CACNB4: variants seen among roughly 807,000 people sequenced by gnomAD.
CACNB4 encodes the protein calcium voltage-gated channel auxiliary subunit beta 4.
CACNB4 carries 32 observed loss-of-function variants against 71.2 expected under a neutral mutation model. That is an observed-to-expected ratio of 0.45 (90% CI 0.34 to 0.60). CACNB4 has a LOEUF of 0.60. Among genes scored for constraint, CACNB4 ranks in the 20% least tolerant of loss-of-function variants. CACNB4 has a pLI of 0.01. For synonymous variants in CACNB4, 231 were observed against 236.9 expected, an observed-to-expected ratio of 0.97 and a Z score of 0.23; for missense variants, 464 against 647.9, an observed-to-expected ratio of 0.72 and a Z score of 3.08.
Position 152,098,579 on chromosome 2 carries a change from C to CCCCCCCACCAA in CACNB4, c.64-167_64-166insTTGGTGGGGGG. On this transcript the variant is annotated intron_variant, in intron 1 of 13. Transcript: ENST00000539935. This position sits in a 1 kb window ranked among gnomAD's most constrained non-coding sequence, Gnocchi z 5.3. ...CCCAAATACAGCCCCCACCCCCACC[C>CCCCCCCACCAA]ACCCACTGCAAGCCTCGACTGCTGA... is the stretch of plus-strand genomic sequence containing the variant. The CCCCCCCACCAA allele has an allele frequency of 7.4e-6, 7 of 943,710 alleles. No individual in the cohort carries two copies. The highest frequency in any genetic ancestry group is 1.0e-5 in the Non-Finnish European group (6 of 591,324). The allele number at this position is 943,710 out of a possible 1,614,324, so 58.5% of individuals were successfully genotyped here.
chr2:152,086,060 T>G lies in CACNB4; in HGVS notation c.147+12270A>C, dbSNP rs1047975989. 2.0e-5 allele frequency among the ~76,000 whole-genome samples: 3 copies of G among 152,316 alleles called. No homozygotes were observed. The East Asian group carries it at 5.8e-4, about 29-fold the overall frequency. On this transcript the variant is annotated intron_variant, in intron 2 of 13. Transcript: ENST00000539935. ...AAATAAAATACTTGTAAATATGACA[T>G]TTGCCTTTGATTGGGTTGGTTTACA... is the stretch of plus-strand genomic sequence containing the variant.
At chr2:151,972,234 G>A (rs931727958) in intron 2 of CACNB4, 2 of 152,410 alleles carry the variant, frequency 1.3e-5, no homozygotes, top group Non-Finnish European at 2.9e-5. Flanking sequence ...AATGACTCCA[G>A]TCCACTTCGG....
chr2:151,896,940 C>A (rs933188004), intron 2 of CACNB4, among the ~76,000 whole-genome samples: 1 of 152,174 alleles, frequency 6.6e-6, no homozygotes, highest in Non-Finnish European at 1.5e-5. Flanking sequence ...GTGTGGTGAA[C>A]CCTGGTTGGA....
At chr2:151,898,218 C>T (rs923060644) in intron 2 of CACNB4, among the ~76,000 whole-genome samples, 1 of 152,196 alleles carries the variant, frequency 6.6e-6, no homozygotes, top group African/African-American at 2.4e-5. Context: ...AGACTGCTGT[C>T]CTTTGCATAT....
chr2:151,903,147 T>G (rs1337735938), intron 2 of CACNB4, among the ~76,000 whole-genome samples: 5 of 152,212 alleles, frequency 3.3e-5, no homozygotes, highest in African/African-American at 1.2e-4. Flanking sequence ...TAATACTAAA[T>G]CTACTCAAAA....
intron 2 of CACNB4, among the ~76,000 whole-genome samples, chr2:152,012,396 G>A (rs760913941): frequency 1.3e-5 from 2 of 152,178 alleles, no homozygotes; most frequent in Non-Finnish European, 2.9e-5. Flanking sequence ...CTGAAGTCAG[G>A]AGTTCCAGAC....
chr2:152,025,486 C>G (rs1355156849), intron 2 of CACNB4, among the ~76,000 whole-genome samples: 3 of 152,126 alleles, frequency 2.0e-5, no homozygotes, highest in African/African-American at 7.2e-5. Context: ...TAAGAAAGAG[C>G]AGAAATAAGA....
intron 2 of CACNB4, chr2:151,967,603 T>C (rs1363881316): frequency 6.6e-6 from 1 of 151,850 alleles, no homozygotes; most frequent in Admixed American, 6.6e-5. Context: ...TCCTATATGA[T>C]GCTCAGGCTA....
intron 2 of CACNB4, among the ~76,000 whole-genome samples, chr2:151,944,200 A>G (rs1302912871): frequency 6.6e-6 from 1 of 151,744 alleles, no homozygotes; most frequent in Non-Finnish European, 1.5e-5. Flanking sequence ...CACCTGGCTA[A>G]TTTTGTTTTT....
intron 4 of CACNB4, chr2:151,880,136 T>G (rs1393979882): frequency 6.6e-6 from 1 of 152,232 alleles, no homozygotes; most frequent in African/African-American, 2.4e-5. Flanking sequence ...GGTCCTCAGT[T>G]TCCTATTCCC....
intron 2 of CACNB4, among the ~76,000 whole-genome samples, chr2:151,887,526 G>GA (rs1454577278): frequency 3.3e-4 from 50 of 152,226 alleles, no homozygotes; most frequent in Admixed American, 1.2e-3. Context: ...AGTAACACTG[G>GA]AAAATCAGCT....
At chr2:151,981,489 C>T (rs868571397) in intron 2 of CACNB4, among the ~76,000 whole-genome samples, 16 of 151,952 alleles carry the variant, frequency 1.1e-4, no homozygotes, top group African/African-American at 1.7e-4. Flanking sequence ...CAGGTCTGAG[C>T]GGAACTCCTG....
At chr2:151,950,548 T>A (rs1382117008) in intron 2 of CACNB4, among the ~76,000 whole-genome samples, 2 of 152,252 alleles carry the variant, frequency 1.3e-5, no homozygotes, top group South Asian at 2.1e-4. Context: ...CTATTCACAA[T>A]CACCAAAAGG....
intron 5 of CACNB4, among the ~76,000 whole-genome samples, chr2:151,874,541 T>C (rs1366133135): frequency 6.6e-6 from 1 of 151,978 alleles, no homozygotes; most frequent in Non-Finnish European, 1.5e-5. Context: ...ATAATAGTAT[T>C]GGCAAGTTAT....
At chr2:151,900,847 T>C (rs995004520) in intron 2 of CACNB4, among the ~76,000 whole-genome samples, 10 of 152,130 alleles carry the variant, frequency 6.6e-5, no homozygotes, top group African/African-American at 2.4e-4. Flanking sequence ...ATAGGGGATA[T>C]ACACAATTTA....
chr2:151,934,556 C>T (rs1017843010), intron 2 of CACNB4, among the ~76,000 whole-genome samples: 1 of 152,182 alleles, frequency 6.6e-6, no homozygotes, highest in Non-Finnish European at 1.5e-5. Flanking sequence ...TTCTTATTTA[C>T]GGCTGGGCAC....
intron 2 of CACNB4, among the ~76,000 whole-genome samples, chr2:152,076,011 T>C (rs1338799686): frequency 2.0e-5 from 3 of 152,142 alleles, no homozygotes; most frequent in African/African-American, 7.2e-5. Context: ...GTCACCTAAT[T>C]CAGTGTGTGG....
intron 2 of CACNB4, among the ~76,000 whole-genome samples, chr2:151,912,072 TATTA>T (rs2099856310): frequency 6.6e-6 from 1 of 152,164 alleles, no homozygotes; most frequent in African/African-American, 2.4e-5. Context: ...TCTTCTTCTT[TATTA>T]GTCTAGCTAG....
intron 2 of CACNB4, among the ~76,000 whole-genome samples, chr2:152,084,778 G>GTT (rs1329515600): frequency 6.9e-6 from 1 of 144,768 alleles, no homozygotes. Context: ...CCTGGCTAAT[G>GTT]TTTTTTTTTT....
Sources: gnomAD v4.1 joint callset for allele counts (sites outside exome capture counted in the v4.1 genomes callset) on GRCh38, gnomAD v4.1.1 for gene constraint, Gnocchi (gnomAD v3.1) non-coding constraint, MANE v1.5 for transcripts, NCBI Gene and HGNC (gene_info 2026-07-23, HGNC 2026-07-21) for gene names.